The following WNT3 variants were observed in gnomAD, a reference collection of about 807,000 sequenced individuals.
The protein encoded by WNT3 is Wnt family member 3.
Under a neutral mutation model 34.2 loss-of-function variants are expected in WNT3, and 7 were observed. The ratio of observed to expected loss-of-function variants is 0.20; its 90% CI spans 0.12 to 0.38. WNT3 has a LOEUF of 0.38. Ranked by LOEUF, WNT3 falls within the 10% of genes least tolerant of loss-of-function variation. The pLI is 1.00. For missense variants in WNT3, 267 were observed against 499.8 expected (o/e 0.53, Z 4.44); for synonymous variants, 212 against 211.5 (o/e 1.00, Z -0.02).
chr17:46,796,726 C>T (rs768160397), intron 1 of WNT3, among the ~76,000 whole-genome samples: 13 of 152,178 alleles, frequency 8.5e-5, no homozygotes, highest in South Asian at 2.1e-4. Context: ...GCAAGATGAG[C>T]GGTGCCTGAT....
intron 1 of WNT3, among the ~76,000 whole-genome samples, chr17:46,807,123 A>G (rs973428269): frequency 6.6e-6 from 1 of 152,136 alleles, no homozygotes; most frequent in Non-Finnish European, 1.5e-5. Context: ...ATCATGGAGG[A>G]AAAAAAAGAG....
intron 2 of WNT3, among the ~76,000 whole-genome samples, chr17:46,770,981 G>C (rs2059361612): frequency 1.3e-5 from 2 of 152,256 alleles, no homozygotes; most frequent in South Asian, 4.1e-4. Context: ...CACAGGCTGT[G>C]AAACGCCGGG....
intron 2 of WNT3, among the ~76,000 whole-genome samples, chr17:46,771,558 C>T (rs2059370103): frequency 6.7e-6 from 1 of 148,784 alleles, no homozygotes; most frequent in Non-Finnish European, 1.5e-5. Flanking sequence ...CTGTGCCTTC[C>T]CCGTCCGGCG....
In WNT3 at chr17:46,817,135, G is replaced by A. The variant is rs12452899; in HGVS notation, c.80+1383C>T. Among the ~76,000 whole-genome samples, 1,168 of 152,294 alleles carry A rather than the reference G, an allele frequency of 7.7e-3. 23 individuals carry two copies. Among genetic ancestry groups the A allele is most frequent in the Admixed American group, 0.04 (613 of 15,296 alleles). On this transcript the variant is annotated intron_variant, in intron 1 of 4. Transcript: ENST00000225512. ...GCCATGTCCCCACCCTCTCTCCCAG[G>A]AGCCCCAAACACCCAGACACAAATG...
intron 1 of WNT3, among the ~76,000 whole-genome samples, chr17:46,788,782 C>T (rs943341663): frequency 6.6e-6 from 1 of 152,098 alleles, no homozygotes; most frequent in African/African-American, 2.4e-5. Context: ...CTTTCCCTGC[C>T]CTCAGCAGCC....
chr17:46,770,079 A>T (rs1247810487), intron 2 of WNT3, 31 bp from the exon 3 acceptor site: 12 of 1,519,146 alleles, frequency 7.9e-6, no homozygotes, highest in African/African-American at 1.4e-5. Flanking sequence ...GGCAGCACTC[A>T]GGACCCGGCC....
At chr17:46,774,356 G>C (rs566988272) in intron 1 of WNT3, among the ~76,000 whole-genome samples, 1 of 152,178 alleles carries the variant, frequency 6.6e-6, no homozygotes, top group South Asian at 2.1e-4. Flanking sequence ...GGACACGCGC[G>C]CGCGCGCACA....
chr17:46,763,669 A>G lies in WNT3; in HGVS notation c.*961T>C, dbSNP rs1203456814. 1.3e-5 allele frequency: 2 copies of G among 152,108 alleles called. No individual in the cohort carries two copies. Among genetic ancestry groups the G allele is most frequent in the African/African-American group, 4.8e-5 (2 of 41,406 alleles). The allele number at this position is 152,108 out of a possible 1,614,324, so 9.4% of individuals were successfully genotyped here. A position where few individuals can be genotyped will look rare whatever the true frequency, so the allele number is the denominator to read the frequency against. On this transcript the variant is annotated 3_prime_UTR_variant, in exon 5 of 5. Coordinates refer to ENST00000225512, the MANE Select transcript of WNT3 (RefSeq NM_030753.5). ...TTATACTAAGGTGACCTGGAGTCCA[A>G]CTGCTCTACCTGGAGTTATTTGTAC...
intron 3 of WNT3, 40 bp downstream of exon 3, chr17:46,769,743 G>A (rs368918469): frequency 8.7e-6 from 14 of 1,602,778 alleles, no homozygotes; most frequent in African/African-American, 8.0e-5. Flanking sequence ...GAAGCGGGGG[G>A]CTGCTCCCTG....
intron 1 of WNT3, among the ~76,000 whole-genome samples, chr17:46,805,939 T>C (rs74853344): frequency 5.9e-5 from 9 of 152,184 alleles, no homozygotes; most frequent in African/African-American, 1.4e-4. Context: ...TTACCAACCA[T>C]GGAGCCTTCG....
intron 3 of WNT3, 22 bp downstream of exon 3, chr17:46,769,761 T>C: frequency 6.2e-7 from 1 of 1,607,460 alleles, no homozygotes; most frequent in Non-Finnish European, 8.5e-7. Context: ...CTGAAGGGTT[T>C]GGGGAGGGTA....
intron 4 of WNT3, among the ~76,000 whole-genome samples, chr17:46,765,105 T>C (rs1254727388): frequency 6.6e-6 from 1 of 152,262 alleles, no homozygotes; most frequent in Non-Finnish European, 1.5e-5. Flanking sequence ...CAGCAGTGTG[T>C]TCATTTTACT....
At chr17:46,776,706 C>T (rs1352568094) in intron 1 of WNT3, among the ~76,000 whole-genome samples, 3 of 152,124 alleles carry the variant, frequency 2.0e-5, no homozygotes, top group South Asian at 2.1e-4. Context: ...GCAGACAACT[C>T]GGCCTTGCAC....
chr17:46,766,046 T>A (rs1035030504), intron 4 of WNT3, among the ~76,000 whole-genome samples: 5 of 152,166 alleles, frequency 3.3e-5, no homozygotes, highest in Non-Finnish European at 7.4e-5. Context: ...TGTAGCACTT[T>A]ACATAAGATT....
chr17:46,771,192 G>A (rs988703848), intron 2 of WNT3, among the ~76,000 whole-genome samples: 4 of 152,312 alleles, frequency 2.6e-5, no homozygotes, highest in Non-Finnish European at 4.4e-5. Flanking sequence ...AACGACGGGA[G>A]GGCGAAGAGT....
In WNT3 at chr17:46,812,104, C is replaced by T. The variant is rs184622777; in HGVS notation, c.80+6414G>A. Among the ~76,000 whole-genome samples the T allele has an allele frequency of 4.6e-5, 7 of 152,322 alleles. No individual in the cohort carries two copies. In the South Asian group the frequency reaches 6.2e-4, roughly 14 times the overall value. ...CATCCAGTCTCCCTTGGAGAAGTCC[C>T]GGGAGATGGGATCCAGCTTCCTTCC... On this transcript the variant is annotated intron_variant, in intron 1 of 4. Transcript: ENST00000225512.
intron 1 of WNT3, among the ~76,000 whole-genome samples, chr17:46,785,288 T>G (rs976914852): frequency 1.3e-5 from 2 of 152,164 alleles, no homozygotes; most frequent in African/African-American, 4.8e-5. Context: ...CCTTTGGGCT[T>G]TGGCCAGCCC....
intron 2 of WNT3, among the ~76,000 whole-genome samples, chr17:46,771,600 T>C (rs2059370724): frequency 6.8e-6 from 1 of 146,962 alleles, no homozygotes; most frequent in Non-Finnish European, 1.5e-5. Flanking sequence ...CCGCCTTTGT[T>C]CGCGCGGTGT....
chr17:46,768,346 T>C lies in WNT3; in HGVS notation c.1042A>G (p.Ile348Val). 6.2e-7 allele frequency: 1 copy of C among 1,613,760 alleles called. No individual in the cohort carries two copies. The highest frequency in any genetic ancestry group is 8.5e-7 in the Non-Finnish European group (1 of 1,180,040). ...TACTTGCAGGTGTGCACGTCGTAGA[T>C]GCGAATACACTCCTGGCAGCTGACG... Reference protein sequence around the residue: ...CYVSCQECIRIYDVHTCK With the variant: ...CYVSCQECIRVYDVHTCK The change falls in exon 4 of 5, where the codon ATC becomes GTC. Residue 348 changes from isoleucine (I) to valine (V), a missense_variant. This residue lies in a region of WNT3 where 60 missense variants were observed against 82.7 expected (regional missense o/e 0.73). Transcript: ENST00000225512. The surrounding 1 kb of genome is among the most constrained non-coding windows in gnomAD (Gnocchi z 5.0).
Sources: allele counts gnomAD v4.1 joint callset (sites outside exome capture counted in the v4.1 genomes callset), GRCh38; gene constraint gnomAD v4.1.1; regional missense constraint gnomAD v4.1.1; non-coding constraint Gnocchi (gnomAD v3.1); transcripts MANE v1.5; gene names NCBI Gene and HGNC (gene_info 2026-07-23, HGNC 2026-07-21).